LINC00632: variants seen among roughly 807,000 people sequenced by gnomAD.
LINC00632 encodes the protein long independently transcribed non-coding RNA 632.
At chrX:140,744,344 C>A (rs1398590843) in intron 3 of LINC00632, among the ~76,000 whole-genome samples, 3 of 110,134 alleles carry the variant, frequency 2.7e-5, no homozygotes, top group Non-Finnish European at 5.7e-5. Flanking sequence ...ACTTCTAAAC[C>A]TGTGCATTTT....
In LINC00632 at chrX:140,786,058, C is replaced by T. The variant is rs750572694; in HGVS notation, n.14077C>T. Among the ~76,000 whole-genome samples, 6 of 111,984 alleles carry T rather than the reference C, an allele frequency of 5.4e-5. No homozygotes were observed. In the South Asian group the frequency reaches 1.5e-3, roughly 28 times the overall value. On this transcript the variant is annotated non_coding_transcript_exon_variant, in exon 5 of 5. Transcript: ENST00000648200. ...CCAGGTGCCTTCAGCAATGTTGCTA[C>T]CCATGCTTCTGGCTGGCATGAAAAG...
intron 2 of LINC00632, among the ~76,000 whole-genome samples, chrX:140,716,745 C>A (rs1331847707): frequency 1.9e-5 from 2 of 106,128 alleles, no homozygotes; most frequent in African/African-American, 6.9e-5. Context: ...GTGTGTTGTA[C>A]CCAACCTCAC....
chrX:140,772,412 A>G, exon 4 of LINC00632: 1 of 296,474 alleles, frequency 3.4e-6, no homozygotes, highest in Non-Finnish European at 5.9e-6. Context: ...TAAGTATTAC[A>G]AATTAATATT....
chrX:140,728,252 A>G (rs1339453773), intron 2 of LINC00632, among the ~76,000 whole-genome samples: 3 of 109,810 alleles, frequency 2.7e-5, no homozygotes, highest in East Asian at 2.8e-4. Flanking sequence ...AAAAAAAAAA[A>G]AAAGAAAGAA....
At chrX:140,775,937 A>G (rs758134259) in exon 5 of LINC00632, among the ~76,000 whole-genome samples, 1 of 111,418 alleles carries the variant, frequency 9.0e-6, no homozygotes, top group South Asian at 3.8e-4. Context: ...AGGAAAAAAA[A>G]AAGTTTAAAA....
exon 5 of LINC00632, chrX:140,782,623 T>A (rs1931949938): frequency 8.9e-6 from 1 of 111,881 alleles, no homozygotes; most frequent in Non-Finnish European, 1.9e-5. Flanking sequence ...TTCTTCAATG[T>A]CTTCCAGCAC....
chrX:140,722,976 G>C (rs1193903170), intron 2 of LINC00632, among the ~76,000 whole-genome samples: 1 of 107,924 alleles, frequency 9.3e-6, no homozygotes, highest in Non-Finnish European at 1.9e-5. Flanking sequence ...TTGAACCCGG[G>C]AGGCAGAGGT....
intron 2 of LINC00632, among the ~76,000 whole-genome samples, chrX:140,718,835 A>G (rs1230361528): frequency 8.9e-6 from 1 of 112,240 alleles, no homozygotes. Context: ...ACAGAAACTC[A>G]TTCATGAAAA....
At chrX:140,740,242 A>G (rs369830321) in intron 3 of LINC00632, among the ~76,000 whole-genome samples, 2 of 111,887 alleles carry the variant, frequency 1.8e-5, no homozygotes, top group East Asian at 2.8e-4. Flanking sequence ...GTTTTTCTTC[A>G]TAAGTAAGCT....
intron 3 of LINC00632, among the ~76,000 whole-genome samples, chrX:140,753,112 G>A (rs973262079): frequency 8.9e-6 from 1 of 111,811 alleles, no homozygotes; most frequent in Non-Finnish European, 1.9e-5. Flanking sequence ...TTGTTTTCAG[G>A]ATTAAATACT....
intron 2 of LINC00632, chrX:140,711,859 G>T: frequency 6.9e-6 from 1 of 144,408 alleles, no homozygotes; most frequent in Non-Finnish European, 1.4e-5. Context: ...TCTTTCCTTT[G>T]ATTAGTGTAT....
rs765045286 is a variant in LINC00632, at chrX:140,784,492, C to T, written n.12511C>T. ...ATCTCCAGGGCTTCCAGCATCTGCTCGTCTTCCAACATCTCCACGTCTTCC... is the reference window on the plus strand; with the variant it reads ...ATCTCCAGGGCTTCCAGCATCTGCTTGTCTTCCAACATCTCCACGTCTTCC... On this transcript the variant is annotated non_coding_transcript_exon_variant, in exon 5 of 5. Transcript: ENST00000648200. 7.2e-5 allele frequency: 56 copies of T among 775,199 alleles called. No individual in the cohort carries two copies. In the South Asian group the frequency reaches 9.6e-4, roughly 13 times the overall value. 63.9% of individuals were successfully genotyped at this position (775,199 alleles called of 1,213,427 possible).
exon 5 of LINC00632, among the ~76,000 whole-genome samples, chrX:140,780,479 T>C (rs1209951227): frequency 2.7e-5 from 3 of 112,216 alleles, no homozygotes; most frequent in African/African-American, 9.7e-5. Flanking sequence ...GACATTTATT[T>C]GTGTAGTGAC....
Position 140,745,615 on chromosome X carries a change from G to T in LINC00632, n.191+11651G>T, listed in dbSNP as rs1931315160. Among the ~76,000 whole-genome samples, 3 of 111,691 alleles carry T rather than the reference G, an allele frequency of 2.7e-5. No individual in the cohort carries two copies. In the South Asian group the frequency reaches 1.1e-3, roughly 42 times the overall value. ...TTTCCAGACAGTCTAAACCCAGCTGGAAGATGCCCCAATGCTGCTTCACTA... is the reference window on the plus strand; with the variant it reads ...TTTCCAGACAGTCTAAACCCAGCTGTAAGATGCCCCAATGCTGCTTCACTA... On this transcript the variant is annotated intron_variant and non_coding_transcript_variant, in intron 3 of 4. Transcript: ENST00000648200.
At position 140,784,113 on chromosome X, in the gene LINC00632, A is replaced by T. The variant is rs756619124; in HGVS notation, n.12132A>T. ...CAAAGCCATGTCTTCCAGACTATCC[A>T]TGTCTTCCAGAAAATCCTTGTCTTC... On this transcript the variant is annotated non_coding_transcript_exon_variant, in exon 5 of 5. Transcript: ENST00000648200. 13 of 1,209,449 alleles carry T rather than the reference A, an allele frequency of 1.1e-5. No individual in the cohort carries two copies. The highest frequency in any genetic ancestry group is 1.5e-5 in the Non-Finnish European group (13 of 895,042).
At chrX:140,717,934 C>T (rs922052629) in intron 2 of LINC00632, among the ~76,000 whole-genome samples, 4 of 110,309 alleles carry the variant, frequency 3.6e-5, no homozygotes, top group African/African-American at 6.6e-5. Context: ...GTCGGGAGTT[C>T]GAGACCAGCC....
exon 5 of LINC00632, among the ~76,000 whole-genome samples, chrX:140,775,346 G>A (rs140544331): frequency 0.017 from 1,870 of 111,780 alleles, 101 homozygotes; most frequent in Admixed American, 0.15. Flanking sequence ...TGGATGTTTG[G>A]AATTTTCCAG....
At chrX:140,729,865 CTTTTCTT>C (rs1465906059) in intron 2 of LINC00632, among the ~76,000 whole-genome samples, 1 of 105,221 alleles carries the variant, frequency 9.5e-6, no homozygotes, top group African/African-American at 3.5e-5. Context: ...TATGCCTCTT[CTTTTCTT>C]TTTTCTTTTT....
At chrX:140,719,937 A>C (rs1339179852) in intron 2 of LINC00632, among the ~76,000 whole-genome samples, 1 of 109,273 alleles carries the variant, frequency 9.2e-6, no homozygotes, top group Non-Finnish European at 1.9e-5. Flanking sequence ...AAAATACAAA[A>C]ATTAGCCGGG....
Sources: gnomAD v4.1 joint callset for allele counts (sites outside exome capture counted in the v4.1 genomes callset) on GRCh38, gnomAD v4.1.1 for gene constraint, MANE v1.5 for transcripts, NCBI Gene and HGNC (gene_info 2026-07-23, HGNC 2026-07-21) for gene names.